Variants in ZNF273 observed in about 807,000 individuals in gnomAD.
ZNF273 encodes the protein zinc finger protein 273, also known as zinc finger protein 9.
Under a neutral mutation model 14.9 loss-of-function variants are expected in ZNF273, and 11 were observed. The observed-to-expected ratio is 0.74, with a 90% confidence interval of 0.46 to 1.22. The LOEUF is 1.22. ZNF273 is among the 50% of genes most tolerant of loss of function. The pLI, the probability that ZNF273 is intolerant of heterozygous loss-of-function variation, is 0.00. For missense variants in ZNF273, 577 were observed against 660.6 expected (o/e 0.87, Z 1.39); for synonymous variants, 199 against 223.9 (o/e 0.89, Z 0.99).
downstream of ZNF273, chr7:64,882,655 C>T (rs1397750295): frequency 1.3e-5 from 2 of 152,318 alleles, no homozygotes; most frequent in Non-Finnish European, 2.9e-5. Flanking sequence ...GGGATACTCC[C>T]ACGATCTAGG....
chr7:64,928,188 A>C lies in ZNF273; in HGVS notation c.860A>C (p.Glu287Ala). Residue 287 changes from glutamate to alanine, a missense_variant, in exon 4 of 4, where the codon GAG becomes GCG. Around this residue, in one of 3 missense-constraint regions of ZNF273, gnomAD observed 411 missense variants for 440.4 expected, o/e 0.93. Coordinates refer to ENST00000476120, the MANE Select transcript of ZNF273 (RefSeq NM_021148.3). ...LTKHKKIHTE[E>A]KPYKCEDCGK... ...AAACATAAAAAAATTCATACTGAAG[A>C]GAAACCTTACAAATGTGAAGATTGT... The C allele has an allele frequency of 6.2e-7, 1 of 1,613,496 alleles. No individual in the cohort carries two copies. Among genetic ancestry groups the C allele is most frequent in the Non-Finnish European group, 8.5e-7 (1 of 1,179,810 alleles).
At chr7:64,886,949 C>T (rs1393883702) in intron 1 of ZNF273, among the ~76,000 whole-genome samples, 1 of 152,202 alleles carries the variant, frequency 6.6e-6, no homozygotes, top group Non-Finnish European at 1.5e-5. Context: ...TCTCCCTTGG[C>T]CTGCACACAT....
chr7:64,907,807 G>GC (rs1316090018), intron 1 of ZNF273, among the ~76,000 whole-genome samples: 1 of 152,184 alleles, frequency 6.6e-6, no homozygotes, highest in Non-Finnish European at 1.5e-5. Flanking sequence ...CTGTCACACT[G>GC]CCCGTTGTCC....
chr7:64,931,214 G>A (rs1794984947), downstream of ZNF273, among the ~76,000 whole-genome samples: 2 of 152,064 alleles, frequency 1.3e-5, no homozygotes, highest in Non-Finnish European at 2.9e-5. Flanking sequence ...TTAATAAGGT[G>A]ACTAATTTAT....
chr7:64,924,231 CTT>C (rs371394964), intron 3 of ZNF273: 343 of 151,862 alleles, frequency 2.3e-3, no homozygotes, highest in African/African-American at 7.7e-3. Context: ...TTTTAAGACT[CTT>C]TTGACTTATT....
At chr7:64,919,591 C>T (rs946628377) in intron 3 of ZNF273, among the ~76,000 whole-genome samples, 1 of 152,080 alleles carries the variant, frequency 6.6e-6, no homozygotes, top group Non-Finnish European at 1.5e-5. Context: ...TGAGATCACC[C>T]CACTGCATTT....
At chr7:64,909,246 A>G in intron 1 of ZNF273, among the ~76,000 whole-genome samples, 1 of 143,098 alleles carries the variant, frequency 7.0e-6, no homozygotes, top group African/African-American at 2.6e-5. Flanking sequence ...TTTTTTTCTG[A>G]GACAGTCTCC....
chr7:64,898,860 ATACT>A (rs1792517384), upstream of ZNF273, among the ~76,000 whole-genome samples: 1 of 152,224 alleles, frequency 6.6e-6, no homozygotes, highest in Non-Finnish European at 1.5e-5. Flanking sequence ...GCATGGCTAG[ATACT>A]TACTGAATCC....
At chr7:64,901,516 G>A (rs144892163), upstream of ZNF273, among the ~76,000 whole-genome samples, 49 of 152,324 alleles carry the variant, frequency 3.2e-4, no homozygotes, top group East Asian at 8.9e-3. Flanking sequence ...ATGCCAATGA[G>A]TCCTTTCAGC....
At chr7:64,925,442 GT>G (rs947127442) in intron 3 of ZNF273, among the ~76,000 whole-genome samples, 2 of 136,124 alleles carry the variant, frequency 1.5e-5, no homozygotes, top group African/African-American at 7.3e-5. Context: ...TTTTTTGTTT[GT>G]TTTTGTTTTT....
chr7:64,922,244 A>G (rs189778413), intron 3 of ZNF273, among the ~76,000 whole-genome samples: 2 of 151,458 alleles, frequency 1.3e-5, no homozygotes, highest in East Asian at 3.9e-4. Context: ...CCAAACTCAG[A>G]TGATTCTATC....
intron 3 of ZNF273, among the ~76,000 whole-genome samples, chr7:64,921,628 TTTTTTTTTTG>T (rs2129091968): frequency 2.5e-5 from 1 of 39,896 alleles, no homozygotes; most frequent in East Asian, 6.3e-4. Flanking sequence ...TTTTTTTTTT[TTTTTTTTTTG>T]TGTGTGAGAC....
At chr7:64,918,737 ATTT>A (rs923398606) in intron 3 of ZNF273, among the ~76,000 whole-genome samples, 1 of 136,836 alleles carries the variant, frequency 7.3e-6, no homozygotes, top group Non-Finnish European at 1.6e-5. Context: ...GGAGAGCTGG[ATTT>A]TTTTTTTTCC....
downstream of ZNF273, chr7:64,890,047 AGCCC>A (rs1791881349): frequency 6.6e-6 from 1 of 152,182 alleles, no homozygotes; most frequent in Admixed American, 6.6e-5. Context: ...AGCCTCCCAG[AGCCC>A]GCATCCTCTT....
At chr7:64,898,928 A>G (rs1269331699), upstream of ZNF273, among the ~76,000 whole-genome samples, 1 of 151,808 alleles carries the variant, frequency 6.6e-6, no homozygotes, top group Non-Finnish European at 1.5e-5. Context: ...GTTTTCTACA[A>G]TTATTTGCTT....
chr7:64,927,895 A>G lies in ZNF273; in HGVS notation c.567A>G (p.Lys189=). 6.2e-7 allele frequency: 1 copy of G among 1,613,524 alleles called. No homozygotes were observed. Among genetic ancestry groups the G allele is most frequent in the Non-Finnish European group, 8.5e-7 (1 of 1,179,796 alleles). Residue 189 remains lysine (K), a synonymous_variant, in exon 4 of 4, where the codon AAA becomes AAG. Transcript: ENST00000476120. Reference sequence around the variant, plus strand: ...ATAAATATGTTAAAGTCCTTCATAAATTCTCAAATTCAAATATACATAAGA... The same window carrying G: ...ATAAATATGTTAAAGTCCTTCATAAGTTCTCAAATTCAAATATACATAAGA... ...QCDKYVKVLH[K]FSNSNIHKKR... is the part of the protein sequence containing the mutation.
rs1794976122 is a variant in ZNF273 at position 64,930,837 on chromosome 7, A to T, written c.*1799A>T. 1 of 152,052 alleles carries T rather than the reference A, an allele frequency of 6.6e-6. No homozygotes were observed. Among genetic ancestry groups the T allele is most frequent in the South Asian group, 2.1e-4 (1 of 4,828 alleles). 9.4% of individuals were successfully genotyped at this position (152,052 alleles called of 1,614,324 possible). On this transcript the variant is annotated 3_prime_UTR_variant, in exon 4 of 4. Transcript: ENST00000476120. Reference sequence around the variant, plus strand: ...AATATGTAATAATCACATCAGGGTAAATGAGGTATCCCTTACTAGCATTTA... The same window carrying T: ...AATATGTAATAATCACATCAGGGTATATGAGGTATCCCTTACTAGCATTTA...
intron 3 of ZNF273, among the ~76,000 whole-genome samples, chr7:64,925,371 A>G (rs1256083107): frequency 6.6e-6 from 1 of 152,156 alleles, no homozygotes; most frequent in Non-Finnish European, 1.5e-5. Context: ...TAAAACCTCT[A>G]AAAGATAAAA....
intron 1 of ZNF273, among the ~76,000 whole-genome samples, chr7:64,913,735 TG>T (rs1413357782): frequency 6.6e-6 from 1 of 152,198 alleles, no homozygotes; most frequent in Non-Finnish European, 1.5e-5. Context: ...GACGAGGACT[TG>T]TTTAAAACAC....
Sources: allele counts gnomAD v4.1 joint callset (sites outside exome capture counted in the v4.1 genomes callset), GRCh38; gene constraint gnomAD v4.1.1; regional missense constraint gnomAD v4.1.1; transcripts MANE v1.5; gene names NCBI Gene and HGNC (gene_info 2026-07-23, HGNC 2026-07-21).